NRXN1: variants seen among roughly 807,000 people sequenced by gnomAD.
NRXN1 encodes the protein neurexin 1.
A neutral mutation model predicts 150.9 loss-of-function variants in NRXN1; 39 were observed. The ratio of observed to expected loss-of-function variants is 0.26; its 90% CI spans 0.20 to 0.34. The LOEUF (loss-of-function observed/expected upper bound fraction) is 0.34. Among genes scored for constraint, NRXN1 ranks in the 10% least tolerant of loss-of-function variants. The pLI, the probability that NRXN1 is intolerant of heterozygous loss-of-function variation, is 1.00. For synonymous variants in NRXN1, 924 were observed against 757.0 expected (o/e 1.22, Z -3.62); for missense variants, 1,815 against 1,949.9 (o/e 0.93, Z 1.30).
At chr2:50,299,619 T>C (rs745963310) in intron 17 of NRXN1, among the ~76,000 whole-genome samples, 5 of 152,164 alleles carry the variant, frequency 3.3e-5, no homozygotes, top group African/African-American at 4.8e-5. Context: ...ATTAAAAACA[T>C]AGTATAAATA....
intron 5 of NRXN1, among the ~76,000 whole-genome samples, chr2:50,645,196 C>T (rs2104510811): frequency 6.6e-6 from 1 of 151,564 alleles, no homozygotes; most frequent in East Asian, 2.0e-4. Context: ...TTCATGATTG[C>T]TTGATTGACT....
intron 5 of NRXN1, among the ~76,000 whole-genome samples, chr2:50,842,099 C>G (rs1383734312): frequency 6.6e-6 from 1 of 152,200 alleles, no homozygotes; most frequent in African/African-American, 2.4e-5. Flanking sequence ...AAGTACCCAG[C>G]ATCTTTCTGG....
intron 21 of NRXN1, among the ~76,000 whole-genome samples, chr2:50,021,294 T>C (rs1687528104): frequency 6.6e-6 from 1 of 152,186 alleles, no homozygotes; most frequent in South Asian, 2.1e-4. Flanking sequence ...CTCTAAGACA[T>C]ACGGAAAATA....
chr2:50,972,177 ATG>A (rs1364930471), intron 2 of NRXN1, among the ~76,000 whole-genome samples: 1 of 152,180 alleles, frequency 6.6e-6, no homozygotes, highest in Non-Finnish European at 1.5e-5. Context: ...TGAAGGTTAA[ATG>A]TGTGTATATT....
rs575237712 is a variant in NRXN1 at position 50,138,638 on chromosome 2, C to T, written c.3547-47144G>A. ...CATTATTTCATTCCCCTTCTCACAT[C>T]TATTACTTATTTTCCTTTCTCAATT... On this transcript the variant is annotated intron_variant, in intron 18 of 22. Coordinates refer to ENST00000401669, the MANE Select transcript of NRXN1 (RefSeq NM_001330078.2). Among the ~76,000 whole-genome samples, 4 of 152,334 alleles carry T rather than the reference C, an allele frequency of 2.6e-5. No individual in the cohort carries two copies. In the South Asian group the frequency reaches 8.3e-4, roughly 32 times the overall value.
At chr2:50,176,212 G>A (rs2060346225) in intron 18 of NRXN1, among the ~76,000 whole-genome samples, 1 of 152,082 alleles carries the variant, frequency 6.6e-6, no homozygotes, top group African/African-American at 2.4e-5. Flanking sequence ...AATGCATTAT[G>A]GTTTCACATA....
chr2:50,233,585 T>C (rs899795804), intron 18 of NRXN1, among the ~76,000 whole-genome samples: 4 of 152,032 alleles, frequency 2.6e-5, no homozygotes, highest in Non-Finnish European at 4.4e-5. Flanking sequence ...GCTTACTCTA[T>C]CAAATAAGGA....
chr2:50,270,653 G>A (rs775530554), intron 17 of NRXN1, among the ~76,000 whole-genome samples: 8 of 149,926 alleles, frequency 5.3e-5, no homozygotes, highest in South Asian at 4.3e-4. Flanking sequence ...ATATTTATAT[G>A]TAAAATGCAT....
intron 17 of NRXN1, among the ~76,000 whole-genome samples, chr2:50,253,277 G>A (rs553680658): frequency 6.6e-6 from 1 of 152,262 alleles, no homozygotes; most frequent in South Asian, 2.1e-4. Flanking sequence ...TTGAGACTTT[G>A]CTGAAGTTGT....
intron 2 of NRXN1, among the ~76,000 whole-genome samples, chr2:51,006,513 T>G (rs922800758): frequency 6.6e-6 from 1 of 151,802 alleles, no homozygotes; most frequent in African/African-American, 2.4e-5. Context: ...ACCTGCACGT[T>G]GTGCACATGT....
intron 17 of NRXN1, among the ~76,000 whole-genome samples, chr2:50,352,379 T>C (rs1308184465): frequency 2.0e-5 from 3 of 152,142 alleles, no homozygotes; most frequent in Non-Finnish European, 2.9e-5. Flanking sequence ...TCTTTTCATA[T>C]TTTCCTTAAG....
At chr2:50,950,910 G>C (rs1272103478) in intron 2 of NRXN1, among the ~76,000 whole-genome samples, 1 of 152,178 alleles carries the variant, frequency 6.6e-6, no homozygotes, top group Non-Finnish European at 1.5e-5. Context: ...GTTCTAGTCT[G>C]TAATCAGTGG....
intron 18 of NRXN1, among the ~76,000 whole-genome samples, chr2:50,184,558 A>C (rs1194766054): frequency 6.6e-6 from 1 of 151,972 alleles, no homozygotes; most frequent in African/African-American, 2.4e-5. Context: ...ACCTTTTGCA[A>C]ATAATATTAC....
intron 5 of NRXN1, among the ~76,000 whole-genome samples, chr2:50,802,852 G>C (rs1385570489): frequency 6.6e-6 from 1 of 152,106 alleles, no homozygotes; most frequent in Non-Finnish European, 1.5e-5. Context: ...CTGGAGAAAT[G>C]CATCTGTAAG....
intron 17 of NRXN1, among the ~76,000 whole-genome samples, chr2:50,349,195 T>A (rs2078246809): frequency 6.6e-6 from 1 of 152,214 alleles, no homozygotes; most frequent in South Asian, 2.1e-4. Flanking sequence ...GTATATTGAT[T>A]GAAACAGTTC....
intron 18 of NRXN1, among the ~76,000 whole-genome samples, chr2:50,145,243 T>G (rs1452115755): frequency 6.6e-6 from 1 of 151,670 alleles, no homozygotes; most frequent in Non-Finnish European, 1.5e-5. Context: ...TACTAAAATT[T>G]AACACTAGGA....
chr2:50,887,659 G>A (rs137907150), intron 5 of NRXN1, among the ~76,000 whole-genome samples: 71 of 151,362 alleles, frequency 4.7e-4, no homozygotes, highest in African/African-American at 1.6e-3. Context: ...TCACATCCTT[G>A]AGCTTGCCAT....
intron 13 of NRXN1, among the ~76,000 whole-genome samples, chr2:50,499,948 A>G (rs2091860316): frequency 1.6e-5 from 1 of 61,756 alleles, no homozygotes; most frequent in Non-Finnish European, 2.7e-5. Context: ...ACTCCATCTC[A>G]AAAAAAAAAA....
chr2:51,023,237 A>AT (rs1397895085), intron 2 of NRXN1, among the ~76,000 whole-genome samples: 2 of 152,240 alleles, frequency 1.3e-5, no homozygotes, highest in African/African-American at 4.8e-5. Context: ...TGGAAATATA[A>AT]ATGTGATAAT....
Sources: allele counts gnomAD v4.1 joint callset (sites outside exome capture counted in the v4.1 genomes callset), GRCh38; gene constraint gnomAD v4.1.1; transcripts MANE v1.5; gene names NCBI Gene and HGNC (gene_info 2026-07-23, HGNC 2026-07-21).